Variants in COBLL1 observed in about 807,000 individuals in gnomAD.
COBLL1 encodes the protein cordon-bleu WH2 repeat protein like 1, also known as cordon-bleu protein-like 1.
In COBLL1, 50 loss-of-function variants were observed where a neutral mutation model predicts 94.8. The ratio of observed to expected loss-of-function variants is 0.53; its 90% CI spans 0.42 to 0.67. The LOEUF is 0.67. Among genes scored for constraint, COBLL1 ranks in the 30% least tolerant of loss-of-function variants. The pLI is 0.00. For synonymous variants in COBLL1, 448 were observed against 473.8 expected, an observed-to-expected ratio of 0.95 and a Z score of 0.71; for missense variants, 1,362 against 1,348.7, an observed-to-expected ratio of 1.01 and a Z score of -0.15.
At position 164,706,293 on chromosome 2, in the gene COBLL1, C is replaced by G. The variant is rs1230094989; in HGVS notation, c.997-1188G>C. 2.0e-5 allele frequency among the ~76,000 whole-genome samples: 3 copies of G among 152,284 alleles called. No individual in the cohort carries two copies. The East Asian group carries it at 5.8e-4, about 29-fold the overall frequency. ...ATTTTTCTTCCAGGAGACCACATTT[C>G]TTACTCTCTATAGATCCGTACTCTC... On this transcript the variant is annotated intron_variant, in intron 7 of 13. Transcript: ENST00000652658.
intron 3 of COBLL1, among the ~76,000 whole-genome samples, chr2:164,742,245 T>A (rs1326259584): frequency 6.6e-6 from 1 of 151,906 alleles, no homozygotes; most frequent in East Asian, 1.9e-4. Flanking sequence ...TAAGGCAATA[T>A]GAAGAGATGA....
At chr2:164,728,959 T>G (rs1216591186) in intron 4 of COBLL1, among the ~76,000 whole-genome samples, 3 of 151,978 alleles carry the variant, frequency 2.0e-5, no homozygotes, top group Non-Finnish European at 4.4e-5. Context: ...TGCAGGTCCT[T>G]AAAGACCTTT....
chr2:164,734,726 G>A (rs1288398259), intron 3 of COBLL1, among the ~76,000 whole-genome samples: 1 of 152,100 alleles, frequency 6.6e-6, no homozygotes, highest in Non-Finnish European at 1.5e-5. Context: ...GTGGAAAGAG[G>A]GCAGGATTGG....
chr2:164,773,737 A>G (rs1240135291), intron 2 of COBLL1: 4 of 1,297,806 alleles, frequency 3.1e-6, no homozygotes, highest in South Asian at 2.5e-5. Flanking sequence ...ATAAAACAGT[A>G]TTGTTCCTCT....
intron 2 of COBLL1, among the ~76,000 whole-genome samples, chr2:164,828,920 T>A (rs1363133205): frequency 6.6e-6 from 1 of 152,180 alleles, no homozygotes; most frequent in Non-Finnish European, 1.5e-5. Context: ...TAGTTTAGAA[T>A]GCTACCAGGA....
rs199909219 is a variant in COBLL1, at chr2:164,728,078, C to T, written c.552G>A (p.Pro184=). Residue 184 remains proline (P), a synonymous_variant, in exon 5 of 14, where the codon CCG becomes CCA. Coordinates refer to ENST00000652658, the MANE Select transcript of COBLL1 (RefSeq NM_001365672.2). ...AATCTTTCAACAATAGTGTATGCAA[C>T]GGATCAAACTCACATTTGCTACATA... ...PIICSKCEFD[P]LHTLLLKDYQ... is the part of the protein sequence containing the mutation. The T allele has an allele frequency of 1.5e-4, 247 of 1,613,600 alleles. 1 individual carries two copies. In the East Asian group the frequency reaches 2.4e-3, roughly 15 times the overall value.
At chr2:164,791,889 A>T (rs980065972) in intron 2 of COBLL1, among the ~76,000 whole-genome samples, 14 of 151,218 alleles carry the variant, frequency 9.3e-5, no homozygotes, top group African/African-American at 3.4e-4. Flanking sequence ...TTTTTTTTTA[A>T]AAAAAGCAGC....
chr2:164,733,393 T>C (rs977265765), intron 3 of COBLL1, among the ~76,000 whole-genome samples: 37 of 152,174 alleles, frequency 2.4e-4, no homozygotes, highest in Non-Finnish European at 4.0e-4. Context: ...TATCATGACC[T>C]TTGCACTCAA....
In COBLL1 at chr2:164,731,193, A is replaced by T. The variant is rs76152698; in HGVS notation, c.231-1078T>A. 7.0e-3 allele frequency among the ~76,000 whole-genome samples: 1,068 copies of T among 152,344 alleles called. 19 individuals carry two copies. Among genetic ancestry groups the T allele is most frequent in the African/African-American group, 0.025 (1,027 of 41,582 alleles). The stretch of plus-strand genomic sequence containing the variant: ...CACACCTACTATATAGGCATAGCCC[A>T]CAAAGCCTACTATTTTTATTTCCTG... On this transcript the variant is annotated intron_variant, in intron 3 of 13. Coordinates refer to ENST00000652658, the MANE Select transcript of COBLL1 (RefSeq NM_001365672.2).
At chr2:164,841,965 AT>A, upstream of COBLL1, 3 of 1,538,442 alleles carry the variant, frequency 2.0e-6, no homozygotes. This position sits in a 1 kb window ranked among gnomAD's most constrained non-coding sequence, Gnocchi z 5.5. Context: ...ACCCTGCCCC[AT>A]TTCCCTGCCC....
At chr2:164,802,634 A>T (rs1170111722) in intron 2 of COBLL1, among the ~76,000 whole-genome samples, 1 of 152,234 alleles carries the variant, frequency 6.6e-6, no homozygotes, top group Non-Finnish European at 1.5e-5. Context: ...TAGAACATAC[A>T]TATGTTCAGG....
At chr2:164,768,687 G>A (rs940094855) in intron 2 of COBLL1, among the ~76,000 whole-genome samples, 1 of 151,912 alleles carries the variant, frequency 6.6e-6, no homozygotes, top group South Asian at 2.1e-4. Flanking sequence ...TTGATAAAAA[G>A]AAATTTTAAA....
chr2:164,779,677 T>C (rs1421797581), intron 2 of COBLL1: 1 of 471,004 alleles, frequency 2.1e-6, no homozygotes, highest in South Asian at 1.5e-5. Flanking sequence ...ATATTCTCTC[T>C]GAGTCTCTCG....
intron 2 of COBLL1, among the ~76,000 whole-genome samples, chr2:164,760,995 T>C (rs1011114541): frequency 3.3e-5 from 5 of 152,222 alleles, no homozygotes; most frequent in African/African-American, 1.2e-4. Context: ...TTCTATTTAA[T>C]GGCTAATTAC....
chr2:164,671,282 C>G (rs550388695), intron 1 of COBLL1, among the ~76,000 whole-genome samples: 1 of 146,490 alleles, frequency 6.8e-6, no homozygotes, highest in East Asian at 2.1e-4. Context: ...ACTTGCACAC[C>G]AGTTCTACAC....
At chr2:164,775,567 A>G (rs1688424549) in intron 2 of COBLL1, among the ~76,000 whole-genome samples, 1 of 152,104 alleles carries the variant, frequency 6.6e-6, no homozygotes, top group South Asian at 2.1e-4. Flanking sequence ...GATTCAAGTA[A>G]TTCTCCTGCC....
intron 2 of COBLL1, among the ~76,000 whole-genome samples, chr2:164,766,696 C>T (rs1471902386): frequency 6.6e-6 from 1 of 152,176 alleles, no homozygotes; most frequent in East Asian, 1.9e-4. Context: ...TACAGTATGT[C>T]ATTCTTAAGA....
intron 3 of COBLL1, among the ~76,000 whole-genome samples, chr2:164,741,238 T>A (rs1206452651): frequency 1.3e-5 from 2 of 151,786 alleles, no homozygotes; most frequent in African/African-American, 2.4e-5. Flanking sequence ...ATCCCGCCAA[T>A]GCACTCCAGC....
chr2:164,708,410 G>A (rs1012248879), intron 7 of COBLL1, among the ~76,000 whole-genome samples: 2 of 152,082 alleles, frequency 1.3e-5, no homozygotes, highest in Admixed American at 6.6e-5. Flanking sequence ...ACAAGGGCCC[G>A]CTGCAACAAA....
Sources: allele counts gnomAD v4.1 joint callset (sites outside exome capture counted in the v4.1 genomes callset), GRCh38; gene constraint gnomAD v4.1.1; non-coding constraint Gnocchi (gnomAD v3.1); transcripts MANE v1.5; gene names NCBI Gene and HGNC (gene_info 2026-07-23, HGNC 2026-07-21).